Variants in HTR2C observed in about 807,000 individuals in gnomAD.
HTR2C encodes 5-hydroxytryptamine (serotonin) receptor 2C, G protein-coupled.
HTR2C carries 5 observed loss-of-function variants against 21.0 expected under a neutral mutation model. The ratio of observed to expected loss-of-function variants is 0.24; its 90% CI spans 0.12 to 0.50. HTR2C has a LOEUF of 0.50. Ranked by LOEUF, HTR2C falls within the 20% of genes least tolerant of loss-of-function variation. HTR2C has a pLI of 0.98. For synonymous variants in HTR2C, 150 were observed against 145.3 expected (o/e 1.03, Z -0.23); for missense variants, 271 against 371.2 (o/e 0.73, Z 2.22).
At chrX:114,589,292 T>G (rs781995814) in intron 1 of HTR2C, among the ~76,000 whole-genome samples, 1 of 111,728 alleles carries the variant, frequency 9.0e-6, no homozygotes, top group African/African-American at 3.2e-5. Flanking sequence ...GAGAATGTAC[T>G]GTTAATGCTG....
chrX:114,769,320 A>G (rs1556436359), intron 4 of HTR2C, among the ~76,000 whole-genome samples: 2 of 111,496 alleles, frequency 1.8e-5, no homozygotes, highest in Non-Finnish European at 3.8e-5. Flanking sequence ...TAACAAAATT[A>G]GGAAAGGTAG....
At chrX:114,614,662 C>T (rs1344159144) in intron 2 of HTR2C, among the ~76,000 whole-genome samples, 2 of 111,333 alleles carry the variant, frequency 1.8e-5, no homozygotes, top group Non-Finnish European at 3.8e-5. Context: ...CTTCAAAATA[C>T]TCTCAATGGA....
chrX:114,690,893 G>A (rs1295980296), intron 2 of HTR2C, among the ~76,000 whole-genome samples: 1 of 111,324 alleles, frequency 9.0e-6, no homozygotes, highest in Non-Finnish European at 1.9e-5. Context: ...TTTTGACACT[G>A]CATCGCATCC....
chrX:114,725,950 G>A (rs1933447072), intron 2 of HTR2C, among the ~76,000 whole-genome samples: 1 of 109,185 alleles, frequency 9.2e-6, no homozygotes, highest in African/African-American at 3.3e-5. Flanking sequence ...AGTCTGCAGA[G>A]GTTACTGCTG....
rs1930720666 is a variant in HTR2C at position 114,654,731 on chromosome X, A to G, written c.-80+40850A>G. Among the ~76,000 whole-genome samples the G allele has an allele frequency of 2.7e-5, 3 of 110,248 alleles. No homozygotes were observed. In the South Asian group the frequency reaches 1.1e-3, roughly 42 times the overall value. ...AGGCAATAGAGCAGACAATTAATAT[A>G]CTGTGTTGAAGTGCTATAGCAAGAA... On this transcript the variant is annotated intron_variant, in intron 2 of 5. Coordinates refer to ENST00000276198, the MANE Select transcript of HTR2C (RefSeq NM_000868.4).
At chrX:114,839,994 GAAAAAC>G (rs782605296) in intron 4 of HTR2C, among the ~76,000 whole-genome samples, 3 of 110,838 alleles carry the variant, frequency 2.7e-5, no homozygotes, top group East Asian at 2.9e-4. Context: ...CTGATTGCTG[GAAAAAC>G]AAAAACAAAA....
At chrX:114,800,856 C>T (rs1448884201) in intron 4 of HTR2C, among the ~76,000 whole-genome samples, 1 of 111,431 alleles carries the variant, frequency 9.0e-6, no homozygotes, top group African/African-American at 3.3e-5. Flanking sequence ...ATTTATTTAG[C>T]TGTCTTCTCA....
Position 114,823,686 on chromosome X carries a change from G to A in HTR2C, c.350-24317G>A, listed in dbSNP as rs5987822. 2.3e-3 allele frequency: 631 copies of A among 275,390 alleles called. 2 individuals carry two copies. The highest frequency in any genetic ancestry group is 0.016 in the African/African-American group (579 of 35,791). The allele number at this position is 275,390 out of a possible 1,213,427, so 22.7% of individuals were successfully genotyped here. A position where few individuals can be genotyped will look rare whatever the true frequency, so the allele number is the denominator to read the frequency against. Reference sequence around the variant, plus strand: ...ATTCTGACAAATGTATTTAGAGGAGGGTAGAGTACTGACTGCTATGACCTT... The same window carrying A: ...ATTCTGACAAATGTATTTAGAGGAGAGTAGAGTACTGACTGCTATGACCTT... On this transcript the variant is annotated intron_variant, in intron 4 of 5. Coordinates refer to ENST00000276198, the MANE Select transcript of HTR2C (RefSeq NM_000868.4).
chrX:114,758,948 G>A (rs1556431397), intron 4 of HTR2C, among the ~76,000 whole-genome samples: 5 of 111,689 alleles, frequency 4.5e-5, no homozygotes, highest in Non-Finnish European at 1.9e-5. Context: ...AAAGAACCCA[G>A]ATTACAATTT....
intron 4 of HTR2C, chrX:114,775,403 C>A (rs2070047010): frequency 5.7e-6 from 3 of 526,445 alleles, no homozygotes; most frequent in African/African-American, 2.3e-5. Context: ...ACTTGTCAAG[C>A]AGGTTGTCAT....
intron 4 of HTR2C, among the ~76,000 whole-genome samples, chrX:114,800,488 C>T (rs1168380391): frequency 9.0e-6 from 1 of 111,231 alleles, no homozygotes; most frequent in Non-Finnish European, 1.9e-5. Context: ...CCGGAAGTAA[C>T]TCGTGGCATC....
Position 114,910,032 on chromosome X carries a change from C to T in HTR2C, c.*2617C>T, listed in dbSNP as rs782158085. ...TCCACTACAGGTTTTATGAGACTTCCTATTAATTTATTAAATTTATTAAAT... is the reference window on the plus strand; with the variant it reads ...TCCACTACAGGTTTTATGAGACTTCTTATTAATTTATTAAATTTATTAAAT... On this transcript the variant is annotated 3_prime_UTR_variant, in exon 6 of 6. Transcript: ENST00000276198. The T allele has an allele frequency of 1.8e-5, 2 of 111,858 alleles. No homozygotes were observed. The highest frequency in any genetic ancestry group is 6.5e-5 in the African/African-American group (2 of 30,746). The allele number at this position is 111,858 out of a possible 1,213,427, so 9.2% of individuals were successfully genotyped here.
intron 1 of HTR2C, among the ~76,000 whole-genome samples, chrX:114,604,477 C>G (rs1377277188): frequency 1.8e-5 from 2 of 109,726 alleles, no homozygotes; most frequent in Non-Finnish European, 3.8e-5. Flanking sequence ...AGAAGGTAAT[C>G]ACTTACCTTC....
intron 2 of HTR2C, among the ~76,000 whole-genome samples, chrX:114,724,475 C>A (rs1933364004): frequency 1.0e-5 from 1 of 95,242 alleles, no homozygotes; most frequent in Non-Finnish European, 2.1e-5. Flanking sequence ...ATCCAATTTG[C>A]CAGTCTGTGT....
chrX:114,723,793 C>G (rs1466352808), intron 2 of HTR2C, among the ~76,000 whole-genome samples: 2 of 107,871 alleles, frequency 1.9e-5, no homozygotes, highest in African/African-American at 6.7e-5. Context: ...CATTCAGGAG[C>G]AGGTTGTTCA....
chrX:114,710,895 C>T (rs1298957274), intron 2 of HTR2C, among the ~76,000 whole-genome samples: 1 of 111,346 alleles, frequency 9.0e-6, no homozygotes, highest in Non-Finnish European at 1.9e-5. Flanking sequence ...CTAATGACTA[C>T]GTTTCCACAA....
At chrX:114,640,573 A>G (rs782778070) in intron 2 of HTR2C, among the ~76,000 whole-genome samples, 6 of 112,411 alleles carry the variant, frequency 5.3e-5, no homozygotes, top group South Asian at 3.7e-4. Context: ...ACATACCACA[A>G]TGAAGCTTGA....
intron 4 of HTR2C, among the ~76,000 whole-genome samples, chrX:114,762,673 A>G (rs2069892835): frequency 8.9e-6 from 1 of 111,811 alleles, no homozygotes; most frequent in African/African-American, 3.3e-5. Flanking sequence ...GTTTTGGCCT[A>G]GCCAACAATT....
intron 1 of HTR2C, among the ~76,000 whole-genome samples, chrX:114,601,612 G>A (rs1371534448): frequency 3.6e-5 from 4 of 109,863 alleles, no homozygotes; most frequent in Non-Finnish European, 7.6e-5. Context: ...TTAAGGTGGG[G>A]TAGGGCATTT....
Sources: gnomAD v4.1 joint callset for allele counts (sites outside exome capture counted in the v4.1 genomes callset) on GRCh38, gnomAD v4.1.1 for gene constraint, MANE v1.5 for transcripts, NCBI Gene and HGNC (gene_info 2026-07-23, HGNC 2026-07-21) for gene names.